The following UTRN variants were observed in gnomAD, a reference collection of about 807,000 sequenced individuals.
The protein encoded by UTRN is dystrophin-related protein 1.
Under a neutral mutation model 463.9 loss-of-function variants are expected in UTRN, and 283 were observed. The observed-to-expected ratio is 0.61, with a 90% CI of 0.55 to 0.67. UTRN has a LOEUF of 0.67. Among genes scored for constraint, UTRN ranks in the 30% least tolerant of loss-of-function variants. The pLI, the probability that UTRN is intolerant of heterozygous loss-of-function variation, is 0.00. For missense variants in UTRN, 3,922 were observed against 4,084.3 expected, an observed-to-expected ratio of 0.96 and a Z score of 1.08; for synonymous variants, 1,442 against 1,431.5, an observed-to-expected ratio of 1.01 and a Z score of -0.17.
intron 51 of UTRN, among the ~76,000 whole-genome samples, chr6:144,673,980 T>A (rs1406516171): frequency 1.3e-5 from 2 of 152,176 alleles, no homozygotes; most frequent in Non-Finnish European, 2.9e-5. Flanking sequence ...CCCCAATCCC[T>A]TCTGGCTTGC....
rs190352475 is a variant in UTRN at position 144,565,560 on chromosome 6, C to A, written c.7289+8249C>A. ...GCAAAAGGGACTCAGAAAAAATTTC[C>A]AATGAAGTGAAAAAACGCAGATTTG... is the stretch of plus-strand genomic sequence containing the variant. On this transcript the variant is annotated intron_variant, in intron 50 of 74. Transcript: ENST00000367545. Among the ~76,000 whole-genome samples, 382 of 152,058 alleles carry A rather than the reference C, an allele frequency of 2.5e-3. 1 individual carries two copies. The highest frequency in any genetic ancestry group is 8.7e-3 in the African/African-American group (362 of 41,474).
intron 23 of UTRN, among the ~76,000 whole-genome samples, chr6:144,465,297 G>A (rs544748452): frequency 2.6e-5 from 4 of 152,314 alleles, no homozygotes; most frequent in African/African-American, 9.6e-5. Flanking sequence ...GGAGCTTAAA[G>A]AGAATAAATA....
chr6:144,498,536 A>AT (rs1293990584), intron 33 of UTRN, among the ~76,000 whole-genome samples: 1 of 152,086 alleles, frequency 6.6e-6, no homozygotes, highest in Non-Finnish European at 1.5e-5. Flanking sequence ...ATAATACCGT[A>AT]TTTTTCCTTC....
rs758086651 is a variant in UTRN at position 144,511,112 on chromosome 6, A to G, written c.4933A>G (p.Asn1645Asp). ...TCGTACCTGGACTGAAGATTGGTGC[A>G]ATACCTTGATGGTATGTCTCAGGAA... ...RVRTWTEDWC[N>D]TLMNHQNQLE... Residue 1645 changes from asparagine to aspartate, a missense_variant, in exon 35 of 75, where the codon AAT becomes GAT. Transcript: ENST00000367545. 1.3e-6 allele frequency: 2 copies of G among 1,578,742 alleles called. No homozygotes were observed. The highest frequency in any genetic ancestry group is 1.8e-5 in the Admixed American group (1 of 56,608).
At chr6:144,784,632 C>T (rs1209212412) in intron 61 of UTRN, among the ~76,000 whole-genome samples, 1 of 152,200 alleles carries the variant, frequency 6.6e-6, no homozygotes, top group East Asian at 1.9e-4. Flanking sequence ...ATAATGCACA[C>T]ATATGCTCTT....
At chr6:144,356,330 A>G (rs1347661970) in intron 2 of UTRN, among the ~76,000 whole-genome samples, 4 of 152,186 alleles carry the variant, frequency 2.6e-5, no homozygotes, top group African/African-American at 9.7e-5. Flanking sequence ...TGTCAGTCCT[A>G]TTAACTGACA....
chr6:144,421,863 G>A lies in UTRN; in HGVS notation c.142-15G>A. On this transcript the variant is annotated splice_polypyrimidine_tract_variant and intron_variant, in intron 3 of 74. Transcript: ENST00000367545. The stretch of plus-strand genomic sequence containing the variant: ...TTGGCATACCCCATATTTTATTTGT[G>A]TTTTTCTTTTACAGAGTGGGAAACC... 1 of 1,604,196 alleles carries A rather than the reference G, an allele frequency of 6.2e-7. No homozygotes were observed. The highest frequency in any genetic ancestry group is 8.5e-7 in the Non-Finnish European group (1 of 1,175,024).
At chr6:144,312,847 C>T (rs1775025772) in intron 2 of UTRN, among the ~76,000 whole-genome samples, 1 of 152,122 alleles carries the variant, frequency 6.6e-6, no homozygotes, top group African/African-American at 2.4e-5. Flanking sequence ...CTGAAGTCAC[C>T]ATAGTGGATT....
intron 3 of UTRN, among the ~76,000 whole-genome samples, chr6:144,417,928 T>A (rs1017342680): frequency 2.6e-5 from 4 of 152,156 alleles, no homozygotes; most frequent in Non-Finnish European, 5.9e-5. Context: ...GCTTTTGCCT[T>A]CCTGCTTGAG....
At chr6:144,361,325 G>A (rs777665031) in intron 2 of UTRN, among the ~76,000 whole-genome samples, 1 of 152,162 alleles carries the variant, frequency 6.6e-6, no homozygotes, top group South Asian at 2.1e-4. Flanking sequence ...AACACCTTAT[G>A]TGTTGCTCTA....
intron 51 of UTRN, among the ~76,000 whole-genome samples, chr6:144,670,761 G>A (rs1313477818): frequency 2.0e-5 from 3 of 152,020 alleles, no homozygotes; most frequent in Admixed American, 1.3e-4. Context: ...GAATTTTTAT[G>A]GTTTCAGATC....
chr6:144,345,040 A>G (rs1415423373), intron 2 of UTRN, among the ~76,000 whole-genome samples: 1 of 152,244 alleles, frequency 6.6e-6, no homozygotes, highest in African/African-American at 2.4e-5. Flanking sequence ...TTATTCGATC[A>G]TACATATCAT....
At chr6:144,392,637 T>G (rs1055110851) in intron 2 of UTRN, among the ~76,000 whole-genome samples, 3 of 152,162 alleles carry the variant, frequency 2.0e-5, no homozygotes, top group African/African-American at 7.2e-5. Context: ...CCTTTCTAAT[T>G]AAATTATAGC....
intron 51 of UTRN, among the ~76,000 whole-genome samples, chr6:144,586,843 A>C (rs6915747): frequency 1.3e-5 from 2 of 151,902 alleles, no homozygotes; most frequent in Non-Finnish European, 2.9e-5. Context: ...TCGTGACTCA[A>C]GCATTTTAGA....
intron 2 of UTRN, among the ~76,000 whole-genome samples, chr6:144,361,621 A>G (rs1779085946): frequency 6.6e-6 from 1 of 151,986 alleles, no homozygotes; most frequent in African/African-American, 2.4e-5. Context: ...ACAGTGTCTC[A>G]CTCTGTTACC....
intron 51 of UTRN, among the ~76,000 whole-genome samples, chr6:144,638,788 A>G (rs1031882361): frequency 6.6e-6 from 1 of 152,196 alleles, no homozygotes; most frequent in Non-Finnish European, 1.5e-5. Context: ...ATTAAATTGT[A>G]GTTATTGCTT....
chr6:144,678,974 A>G (rs1440282635), intron 52 of UTRN, among the ~76,000 whole-genome samples: 1 of 152,128 alleles, frequency 6.6e-6, no homozygotes, highest in Non-Finnish European at 1.5e-5. Flanking sequence ...GAGGAAACAG[A>G]GGTTTAATGA....
chr6:144,482,328 T>C lies in UTRN; in HGVS notation c.3627T>C (p.Val1209=), dbSNP rs1323883115. 6.2e-7 allele frequency: 1 copy of C among 1,606,190 alleles called. No homozygotes were observed. The highest frequency in any genetic ancestry group is 1.3e-5 in the African/African-American group (1 of 74,672). ...AGGAGTTGACGTCTGAGCTGAATGT[T>C]GTGCTGGAGAATTACCAACTTCTTT... ...GGQELTSELN[V]VLENYQLLCN... Residue 1209 remains valine, a synonymous_variant, in exon 27 of 75, where the codon GTT becomes GTC. Coordinates refer to ENST00000367545, the MANE Select transcript of UTRN (RefSeq NM_007124.3).
At chr6:144,554,935 G>C in intron 49 of UTRN, 42 bp downstream of exon 49, 1 of 1,600,298 alleles carries the variant, frequency 6.2e-7, no homozygotes, top group African/African-American at 1.3e-5. Context: ...TGTTTTGTTG[G>C]ATATACTTTT....
Sources: allele counts gnomAD v4.1 joint callset (sites outside exome capture counted in the v4.1 genomes callset), GRCh38; gene constraint gnomAD v4.1.1; transcripts MANE v1.5; gene names NCBI Gene and HGNC (gene_info 2026-07-23, HGNC 2026-07-21).